WDR11: variants seen among roughly 807,000 people sequenced by gnomAD.
WDR11 encodes the protein WD repeat-containing protein 11.
WDR11 carries 83 observed loss-of-function variants against 151.2 expected under a neutral mutation model. The ratio of observed to expected loss-of-function variants is 0.55; its 90% CI spans 0.46 to 0.66. The LOEUF is 0.66. Among genes scored for constraint, WDR11 ranks in the 30% least tolerant of loss-of-function variants. The pLI is 0.00. For synonymous variants in WDR11, 484 were observed against 533.1 expected (o/e 0.91, Z 1.27); for missense variants, 1,301 against 1,480.9 (o/e 0.88, Z 1.99).
Position 120,851,752 on chromosome 10 carries a change from T to G in WDR11, c.86+246T>G, listed in dbSNP as rs1380362277. 4 of 588,916 alleles carry G rather than the reference T, an allele frequency of 6.8e-6. No individual in the cohort carries two copies. The African/African-American group carries it at 7.5e-5, about 11-fold the overall frequency. 36.5% of individuals were successfully genotyped at this position (588,916 alleles called of 1,614,324 possible). A position where few individuals can be genotyped will look rare whatever the true frequency, so the allele number is the denominator to read the frequency against. On this transcript the variant is annotated intron_variant, in intron 1 of 28. Transcript: ENST00000263461. ...TCTCGCGTATTTCTCTGCTGTTTTCTCTGCACCTCGCCCTTTTGCCGTTCC... is the reference window on the plus strand; with the variant it reads ...TCTCGCGTATTTCTCTGCTGTTTTCGCTGCACCTCGCCCTTTTGCCGTTCC...
chr10:120,866,867 A>G, intron 8 of WDR11, 103 bp downstream of exon 8: 5 of 1,350,650 alleles, frequency 3.7e-6, no homozygotes, highest in Non-Finnish European at 5.1e-6. Flanking sequence ...TTCTATAAAA[A>G]TATTTTTAAG....
chr10:120,893,128 AG>A (rs1344752043), intron 19 of WDR11, among the ~76,000 whole-genome samples: 1 of 151,476 alleles, frequency 6.6e-6, no homozygotes, highest in Non-Finnish European at 1.5e-5. Context: ...CTCATCATTT[AG>A]CATTAGGTAT....
chr10:120,906,653 G>T (rs901921957), intron 27 of WDR11, 123 bp from the exon 28 acceptor site: 1 of 1,572,428 alleles, frequency 6.4e-7, no homozygotes, highest in Non-Finnish European at 8.6e-7. Flanking sequence ...AAAAGTGCTT[G>T]TATCTTAATG....
chr10:120,887,975 T>G (rs1407950903), intron 16 of WDR11, among the ~76,000 whole-genome samples: 1 of 152,182 alleles, frequency 6.6e-6, no homozygotes, highest in Non-Finnish European at 1.5e-5. Flanking sequence ...TATTGATTTT[T>G]AAATCCAGTT....
chr10:120,857,739 C>A (rs1308892547), intron 2 of WDR11, among the ~76,000 whole-genome samples: 1 of 152,076 alleles, frequency 6.6e-6, no homozygotes, highest in Non-Finnish European at 1.5e-5. Context: ...TAGGTATATA[C>A]ATTTATATGT....
intron 11 of WDR11, among the ~76,000 whole-genome samples, chr10:120,875,813 G>GT (rs60750446): frequency 0.27 from 39,935 of 150,146 alleles, 5,816 homozygotes; most frequent in African/African-American, 0.39. Context: ...CCAGTTTCCA[G>GT]TTTTTTTTTA....
In WDR11 at chr10:120,866,767, A is replaced by C; in HGVS notation, c.1190+3A>C. On this transcript the variant is annotated splice_donor_region_variant and intron_variant, in intron 8 of 28. Transcript: ENST00000263461. The stretch of plus-strand genomic sequence containing the variant: ...TGTAATCGAAATTCACGGAACAGGT[A>C]AATGAATCAACAGGATCATGGTTTT... 1 of 1,614,156 alleles carries C rather than the reference A, an allele frequency of 6.2e-7. No homozygotes were observed. The highest frequency in any genetic ancestry group is 8.5e-7 in the Non-Finnish European group (1 of 1,179,998).
chr10:120,895,027 G>A, intron 19 of WDR11, among the ~76,000 whole-genome samples: 1 of 152,120 alleles, frequency 6.6e-6, no homozygotes, highest in East Asian at 1.9e-4. Flanking sequence ...TAAAAAATAA[G>A]GTATTTCCCT....
chr10:120,901,136 A>G (rs1451060265), intron 21 of WDR11, 38 bp downstream of exon 21: 53 of 1,515,212 alleles, frequency 3.5e-5, no homozygotes, highest in Non-Finnish European at 4.8e-5. Context: ...TAGGAATATG[A>G]GAAAGAAAAA....
At chr10:120,886,077 A>C (rs1847205789) in intron 15 of WDR11, 139 bp downstream of exon 15, 1 of 1,053,040 alleles carries the variant, frequency 9.5e-7, no homozygotes, top group Admixed American at 2.1e-5. Flanking sequence ...CTTTCAGTAC[A>C]TACCCAGATT....
chr10:120,903,847 A>G (rs559991877), intron 23 of WDR11, among the ~76,000 whole-genome samples, 200 bp from the exon 24 acceptor site: 96 of 152,322 alleles, frequency 6.3e-4, no homozygotes, highest in African/African-American at 2.3e-3. Flanking sequence ...GCAGGCAGGT[A>G]TGCATCCAAG....
chr10:120,904,017 G>A lies in WDR11; in HGVS notation c.2932-30G>A, dbSNP rs74158348. 67 of 1,426,998 alleles carry A rather than the reference G, an allele frequency of 4.7e-5. No individual in the cohort carries two copies. In the African/African-American group the frequency reaches 8.5e-4, roughly 18 times the overall value. The allele number at this position is 1,426,998 out of a possible 1,614,324, so 88.4% of individuals were successfully genotyped here. A position where few individuals can be genotyped will look rare whatever the true frequency, so the allele number is the denominator to read the frequency against. Reference sequence around the variant, plus strand: ...ATAATTCCAAACTCTTATAATCCAGGCTTAATTTTTCTTTTTTTTCCAATT... The same window carrying A: ...ATAATTCCAAACTCTTATAATCCAGACTTAATTTTTCTTTTTTTTCCAATT... On this transcript the variant is annotated intron_variant, in intron 23 of 28. Coordinates refer to ENST00000263461, the MANE Select transcript of WDR11 (RefSeq NM_018117.12).
At chr10:120,859,612 CTGAA>C (rs1417172558) in intron 3 of WDR11, among the ~76,000 whole-genome samples, 1 of 152,004 alleles carries the variant, frequency 6.6e-6, no homozygotes, top group African/African-American at 2.4e-5. Flanking sequence ...GCTCTCTTGA[CTGAA>C]TGAATTTTTT....
chr10:120,904,104 A>T lies in WDR11; in HGVS notation c.2989A>T (p.Thr997Ser), dbSNP rs1409860590. 1.2e-6 allele frequency: 2 copies of T among 1,613,636 alleles called. No homozygotes were observed. The highest frequency in any genetic ancestry group is 2.2e-5 in the East Asian group (1 of 44,818). The part of the protein sequence containing the change: ...QEVKRSTYDH[T>S]RKCTDQLLLL... Reference sequence around the variant, plus strand: ...AGTGAAACGGTCAACTTATGATCATACAAGGAAATGTACAGACCAGCTACT... The same window carrying T: ...AGTGAAACGGTCAACTTATGATCATTCAAGGAAATGTACAGACCAGCTACT... The change falls in exon 24 of 29, where the codon ACA becomes TCA. Residue 997 changes from threonine to serine, a missense_variant. Transcript: ENST00000263461.
rs749270410 is a variant in WDR11, at chr10:120,860,133, A to G, written c.377A>G (p.Asp126Gly). 3.7e-6 allele frequency: 6 copies of G among 1,614,066 alleles called. No homozygotes were observed. Among genetic ancestry groups the G allele is most frequent in the Non-Finnish European group, 5.1e-6 (6 of 1,180,038 alleles). Residue 126 changes from aspartate (D) to glycine (G), a missense_variant, in exon 4 of 29, where the codon GAT becomes GGT. Physicochemically the swap from Asp to Gly is moderately conservative, Grantham distance 94 (BLOSUM62 -1). Transcript: ENST00000263461. ...IQDVQWLWNQ[D>G]ASRDLLLAIH... Reference sequence around the variant, plus strand: ...GATGTTCAGTGGTTGTGGAATCAAGATGCTTCCCGCGATTTACTGCTTGCT... The same window carrying G: ...GATGTTCAGTGGTTGTGGAATCAAGGTGCTTCCCGCGATTTACTGCTTGCT...
intron 23 of WDR11, 27 bp from the exon 24 acceptor site, chr10:120,904,020 T>TA: frequency 6.8e-7 from 1 of 1,467,326 alleles, no homozygotes; most frequent in Non-Finnish European, 9.5e-7. Context: ...AATCCAGGCT[T>TA]AATTTTTCTT....
At chr10:120,860,591 C>T (rs1459130709) in intron 4 of WDR11, among the ~76,000 whole-genome samples, 2 of 152,192 alleles carry the variant, frequency 1.3e-5, no homozygotes, top group Non-Finnish European at 2.9e-5. Flanking sequence ...ATTAGTTCTT[C>T]TAAGAACATT....
chr10:120,894,699 TA>T (rs1221226124), intron 19 of WDR11, among the ~76,000 whole-genome samples: 1 of 152,196 alleles, frequency 6.6e-6, no homozygotes, highest in Admixed American at 6.5e-5. Flanking sequence ...TGTAGGTAGC[TA>T]AAAACCTGGG....
In WDR11 at chr10:120,865,050, T is replaced by C; in HGVS notation, c.717T>C (p.Ala239=). ...KILITQEKPS[A]EFITLNDCLQ... is the part of the protein sequence containing the mutation. ...AGTGAATGTTTACTTTTTTCAGTGC[T>C]GAATTCATAACTCTCAATGATTGCC... Residue 239 remains alanine, a synonymous_variant, in exon 6 of 29, where the codon GCT becomes GCC. Coordinates refer to ENST00000263461, the MANE Select transcript of WDR11 (RefSeq NM_018117.12). 1.2e-6 allele frequency: 2 copies of C among 1,613,856 alleles called. No individual in the cohort carries two copies.
Sources: allele counts gnomAD v4.1 joint callset (sites outside exome capture counted in the v4.1 genomes callset), GRCh38; gene constraint gnomAD v4.1.1; transcripts MANE v1.5; gene names NCBI Gene and HGNC (gene_info 2026-07-23, HGNC 2026-07-21).